Variants in SSBP3 observed in about 807,000 individuals in gnomAD.
The protein encoded by SSBP3 is single stranded DNA binding protein 3.
A neutral mutation model predicts 69.6 loss-of-function variants in SSBP3; 5 were observed. The ratio of observed to expected loss-of-function variants is 0.07; its 90% CI spans 0.04 to 0.15. The LOEUF is 0.15. Among genes scored for constraint, SSBP3 ranks in the 10% least tolerant of loss-of-function variants. SSBP3 has a pLI of 1.00. For missense variants in SSBP3, 312 were observed against 534.0 expected (o/e 0.58, Z 4.10); for synonymous variants, 196 against 193.4 (o/e 1.01, Z -0.11).
intron 4 of SSBP3, among the ~76,000 whole-genome samples, chr1:54,301,052 A>G (rs1165698624): frequency 6.6e-6 from 1 of 152,126 alleles, no homozygotes; most frequent in Non-Finnish European, 1.5e-5. Context: ...GGTCTCCTAG[A>G]CAGCTTATCT....
chr1:54,296,562 C>A (rs749722955), intron 4 of SSBP3, among the ~76,000 whole-genome samples: 8 of 152,208 alleles, frequency 5.3e-5, no homozygotes, highest in Non-Finnish European at 8.8e-5. Flanking sequence ...GGTCCATACA[C>A]CAGCGTCAAG....
intron 4 of SSBP3, among the ~76,000 whole-genome samples, chr1:54,334,905 T>C (rs148844326): frequency 1.3e-5 from 2 of 152,326 alleles, no homozygotes; most frequent in African/African-American, 2.4e-5. Flanking sequence ...ACCCACATTG[T>C]AGGACTTTAC....
intron 4 of SSBP3, among the ~76,000 whole-genome samples, chr1:54,315,825 C>T (rs893518687): frequency 1.3e-5 from 2 of 152,022 alleles, no homozygotes; most frequent in African/African-American, 4.8e-5. Flanking sequence ...CTATGCCCAG[C>T]TGATTTTTTT....
intron 4 of SSBP3, among the ~76,000 whole-genome samples, chr1:54,312,997 A>C (rs567552422): frequency 7.0e-6 from 1 of 143,008 alleles, no homozygotes; most frequent in South Asian, 2.3e-4. Flanking sequence ...GGTGGCCCTG[A>C]GCCTGCCCAC....
intron 4 of SSBP3, among the ~76,000 whole-genome samples, chr1:54,365,118 G>C (rs1647008969): frequency 6.6e-6 from 1 of 152,092 alleles, no homozygotes; most frequent in African/African-American, 2.4e-5. Flanking sequence ...TTTTGCACCC[G>C]CACCAGGAAA....
At chr1:54,242,251 C>A in intron 10 of SSBP3, 39 bp from the exon 11 acceptor site, 1 of 1,612,180 alleles carries the variant, frequency 6.2e-7, no homozygotes, top group Non-Finnish European at 8.5e-7. Flanking sequence ...ATGAAAAAGG[C>A]GCTGTAAACT....
rs376742151 is a variant in SSBP3, at chr1:54,382,791, G to C, written c.276+19070C>G. ...ACCTGAAGTCGGGAGTTCGAGACCA[G>C]CCTGACCAACTTGGAGAAACCCCTT... is the stretch of plus-strand genomic sequence containing the variant. On this transcript the variant is annotated intron_variant, in intron 4 of 17. Coordinates refer to ENST00000610401, the Ensembl canonical transcript of SSBP3. 2.0e-5 allele frequency among the ~76,000 whole-genome samples: 3 copies of C among 151,906 alleles called. No homozygotes were observed. In the East Asian group the frequency reaches 5.8e-4, roughly 30 times the overall value.
chr1:54,271,415 T>C (rs974833865), intron 5 of SSBP3, among the ~76,000 whole-genome samples: 14 of 152,092 alleles, frequency 9.2e-5, no homozygotes, highest in African/African-American at 3.4e-4. Flanking sequence ...GGCCTGAATA[T>C]AGGTTTATAT....
At chr1:54,233,630 G>A (rs1644429214) in intron 14 of SSBP3, among the ~76,000 whole-genome samples, 1 of 149,818 alleles carries the variant, frequency 6.7e-6, no homozygotes, top group Non-Finnish European at 1.5e-5. Flanking sequence ...CGTCCGGGAG[G>A]TGAGGGGCGC....
chr1:54,351,776 C>T (rs531685857), intron 4 of SSBP3, among the ~76,000 whole-genome samples: 2 of 152,140 alleles, frequency 1.3e-5, no homozygotes, highest in Admixed American at 6.5e-5. Flanking sequence ...GTTTTGGGAC[C>T]GGCTTGCTGC....
chr1:54,308,132 A>T (rs2100247359), intron 4 of SSBP3, among the ~76,000 whole-genome samples: 1 of 152,036 alleles, frequency 6.6e-6, no homozygotes, highest in East Asian at 1.9e-4. Context: ...CAACCTCCAA[A>T]CCCCTTACCA....
At chr1:54,341,283 G>C (rs571133938) in intron 4 of SSBP3, among the ~76,000 whole-genome samples, 16 of 152,166 alleles carry the variant, frequency 1.1e-4, no homozygotes, top group African/African-American at 3.9e-4. Context: ...CCTGTTCTGG[G>C]ATGCTGCTAA....
chr1:54,242,094 G>T, intron 11 of SSBP3, 70 bp downstream of exon 11: 1 of 1,564,136 alleles, frequency 6.4e-7, no homozygotes, highest in Non-Finnish European at 8.8e-7. Flanking sequence ...CTACACCCAG[G>T]GACAGTAGCT....
chr1:54,385,270 A>G (rs911024802), intron 4 of SSBP3, among the ~76,000 whole-genome samples: 1 of 152,172 alleles, frequency 6.6e-6, no homozygotes, highest in African/African-American at 2.4e-5. Context: ...TGCTGGGGAC[A>G]TATAAACACT....
chr1:54,294,726 C>A (rs1645674180), intron 4 of SSBP3, among the ~76,000 whole-genome samples: 1 of 152,100 alleles, frequency 6.6e-6, no homozygotes, highest in Non-Finnish European at 1.5e-5. Context: ...ATGAAGCCTG[C>A]TATTTCTTCT....
intron 9 of SSBP3, among the ~76,000 whole-genome samples, chr1:54,245,792 G>A (rs527619515): frequency 1.2e-4 from 19 of 152,376 alleles, no homozygotes; most frequent in African/African-American, 1.7e-4. Context: ...CGAGACCTGA[G>A]GTCAGAACAC....
At chr1:54,237,463 A>AT (rs1411963328) in intron 14 of SSBP3, 24 of 152,318 alleles carry the variant, frequency 1.6e-4, no homozygotes, top group Admixed American at 1.6e-3. Context: ...TTAGAAAGAT[A>AT]TGCCTCAGAC....
intron 4 of SSBP3, among the ~76,000 whole-genome samples, chr1:54,345,054 T>C (rs955158680): frequency 6.6e-6 from 1 of 152,172 alleles, no homozygotes; most frequent in African/African-American, 2.4e-5. Context: ...AAATGCTTTC[T>C]ACTCCACTCC....
chr1:54,352,271 G>C (rs1290004426), intron 4 of SSBP3, among the ~76,000 whole-genome samples: 1 of 148,524 alleles, frequency 6.7e-6, no homozygotes, highest in Admixed American at 7.0e-5. Context: ...AGCAGCACAA[G>C]GTGCCTTAGG....
Sources: gnomAD v4.1 joint callset for allele counts (sites outside exome capture counted in the v4.1 genomes callset) on GRCh38, gnomAD v4.1.1 for gene constraint, MANE v1.5 for transcripts, NCBI Gene and HGNC (gene_info 2026-07-23, HGNC 2026-07-21) for gene names.